Variants in ACTN2 observed in about 807,000 individuals in gnomAD.
ACTN2 encodes the protein alpha-actinin-2.
A neutral mutation model predicts 113.8 loss-of-function variants in ACTN2; 39 were observed. The ratio of observed to expected loss-of-function variants is 0.34; its 90% confidence interval spans 0.27 to 0.45. ACTN2 has a LOEUF of 0.45. Ranked by LOEUF, ACTN2 falls within the 20% of genes least tolerant of loss-of-function variation. The probability of loss-of-function intolerance (pLI) is 1.00; values close to 1 mark genes in which losing one functional copy is unlikely to be tolerated. For missense variants in ACTN2, 992 were observed against 1,177.9 expected, an observed-to-expected ratio of 0.84 and a Z score of 2.31; for synonymous variants, 429 against 444.1, an observed-to-expected ratio of 0.97 and a Z score of 0.43.
chr1:236,762,642 A>G lies in ACTN2; in HGVS notation c.*23A>G, dbSNP rs748074241. The stretch of plus-strand genomic sequence containing the variant: ...TGATGCTGAGCTTCTGTAATCACTC[A>G]TCCCATCAGAATGCAATAAAAGCGG... On this transcript the variant is annotated 3_prime_UTR_variant, in exon 21 of 21. Transcript: ENST00000366578. 6.2e-7 allele frequency: 1 copy of G among 1,612,078 alleles called. No individual in the cohort carries two copies. Among genetic ancestry groups the G allele is most frequent in the Admixed American group, 1.7e-5 (1 of 59,820 alleles).
chr1:236,722,201 T>C (rs1423555557), intron 4 of ACTN2, among the ~76,000 whole-genome samples: 1 of 152,208 alleles, frequency 6.6e-6, no homozygotes, highest in East Asian at 1.9e-4. Context: ...ATTTAACTTC[T>C]GTAAGTCTAC....
intron 1 of ACTN2, among the ~76,000 whole-genome samples, chr1:236,717,028 T>A (rs1186768418): frequency 6.6e-6 from 1 of 150,626 alleles, no homozygotes; most frequent in Non-Finnish European, 1.5e-5. Context: ...AGAGACGGGG[T>A]TTTACCATGT....
intron 5 of ACTN2, among the ~76,000 whole-genome samples, 170 bp from the exon 6 acceptor site, chr1:236,727,508 G>A (rs968987419): frequency 7.3e-5 from 11 of 150,996 alleles, no homozygotes; most frequent in Non-Finnish European, 1.2e-4. Context: ...GTGGACCCTG[G>A]GAAGAAGATG....
rs200316891 is a variant in ACTN2, at chr1:236,727,716, G to A, written c.575G>A (p.Arg192Gln). 1.7e-5 allele frequency: 27 copies of A among 1,613,990 alleles called. No individual in the cohort carries two copies. Among genetic ancestry groups the A allele is most frequent in the African/African-American group, 2.7e-5 (2 of 74,920 alleles). ...DGLGLCALIH[R>Q]HRPDLIDYSK... ...CTTGGACTCTGTGCCCTCATCCACC[G>A]ACACCGGCCTGACCTCATTGACTAC... Residue 192 changes from arginine (R) to glutamine (Q), a missense_variant, in exon 6 of 21, where the codon CGA becomes CAA. By Grantham distance (43) the Arg-to-Gln change is conservative. Transcript: ENST00000366578.
At chr1:236,743,569 CTT>C (rs59813567) in intron 11 of ACTN2, among the ~76,000 whole-genome samples, 27 of 143,004 alleles carry the variant, frequency 1.9e-4, no homozygotes, top group South Asian at 4.5e-4. Flanking sequence ...GAATATGGCC[CTT>C]TTTTTTTTTT....
rs758068136 is a variant in ACTN2, at chr1:236,762,662, A to C, written c.*43A>C. On this transcript the variant is annotated 3_prime_UTR_variant, in exon 21 of 21. Transcript: ENST00000366578. ...CACTCATCCCATCAGAATGCAATAA[A>C]AGCGGAAGTCACAGTTTGTTTCCTG... 49 of 1,602,630 alleles carry C rather than the reference A, an allele frequency of 3.1e-5. No homozygotes were observed. The highest frequency in any genetic ancestry group is 4.1e-5 in the Non-Finnish European group (48 of 1,173,664).
chr1:236,736,520 C>G, intron 8 of ACTN2: 1 of 1,313,718 alleles, frequency 7.6e-7, no homozygotes, highest in South Asian at 1.3e-5. Flanking sequence ...CGAAAGATGA[C>G]AGAGAATTGT....
intron 13 of ACTN2, 94 bp from the exon 14 acceptor site, chr1:236,749,030 C>A: frequency 7.5e-7 from 1 of 1,331,780 alleles, no homozygotes; most frequent in Non-Finnish European, 1.1e-6. Context: ...AACAGAATAT[C>A]AGAGAATAGT....
intron 12 of ACTN2, among the ~76,000 whole-genome samples, chr1:236,745,700 A>G (rs924623637): frequency 6.6e-6 from 1 of 152,044 alleles, no homozygotes; most frequent in Admixed American, 6.5e-5. Context: ...CGTGTTTCTG[A>G]GCTTTCTTCA....
intron 1 of ACTN2, among the ~76,000 whole-genome samples, chr1:236,711,454 G>A (rs1658022205): frequency 6.6e-6 from 1 of 152,272 alleles, no homozygotes; most frequent in African/African-American, 2.4e-5. Context: ...GGGTTCAAGC[G>A]ATTCTTGCCT....
rs528593690 is a variant in ACTN2, at chr1:236,686,508, G to T, written c.-166G>T. 8.9e-6 allele frequency: 6 copies of T among 675,680 alleles called. No individual in the cohort carries two copies. The highest frequency in any genetic ancestry group is 3.9e-5 in the African/African-American group (2 of 51,852). 41.9% of individuals were successfully genotyped at this position (675,680 alleles called of 1,614,324 possible). A position where few individuals can be genotyped will look rare whatever the true frequency, so the allele number is the denominator to read the frequency against. On this transcript the variant is annotated 5_prime_UTR_variant, in exon 1 of 21. Coordinates refer to ENST00000366578, the MANE Select transcript of ACTN2 (RefSeq NM_001103.4). ...GCAGCTGCTCGCAGCCGGAGCTGGT[G>T]CTTCGCCCGAGACCCAGCGCCCAGG...
chr1:236,753,970 C>T lies in ACTN2; in HGVS notation c.1863C>T (p.Arg621=), dbSNP rs1161843319. 13 of 1,614,004 alleles carry T rather than the reference C, an allele frequency of 8.1e-6. No homozygotes were observed. The highest frequency in any genetic ancestry group is 1.3e-5 in the African/African-American group (1 of 74,904). The change falls in exon 16 of 21, where the codon CGC becomes CGT. Residue 621 remains arginine (R), a synonymous_variant. Transcript: ENST00000366578. ...WDKVKQLVPI[R]DQSLQEELAR... The stretch of plus-strand genomic sequence containing the variant: ...AGGTGAAGCAACTCGTGCCCATCCG[C>T]GATCAATCCCTGCAGGAGGAGCTGG...
At chr1:236,728,432 T>G (rs890627129) in intron 6 of ACTN2, among the ~76,000 whole-genome samples, 1 of 152,184 alleles carries the variant, frequency 6.6e-6, no homozygotes, top group African/African-American at 2.4e-5. Flanking sequence ...CGTGAGCCCC[T>G]GTGCCCGGCC....
At chr1:236,738,695 A>G (rs1658967564) in intron 9 of ACTN2, among the ~76,000 whole-genome samples, 1 of 152,326 alleles carries the variant, frequency 6.6e-6, no homozygotes, top group African/African-American at 2.4e-5. Flanking sequence ...CATTTCTAAG[A>G]CCTAGGTAGT....
intron 8 of ACTN2, chr1:236,736,730 C>A (rs1658888620): frequency 4.9e-6 from 5 of 1,030,138 alleles, no homozygotes; most frequent in South Asian, 1.4e-5. Flanking sequence ...TAATGTTATT[C>A]AGGGAGTCTC....
At chr1:236,701,262 C>G (rs1021422625) in intron 1 of ACTN2, among the ~76,000 whole-genome samples, 6 of 151,924 alleles carry the variant, frequency 3.9e-5, no homozygotes, top group African/African-American at 1.5e-4. Flanking sequence ...TTTTTTTTCC[C>G]CCAAGTAATT....
At chr1:236,689,534 T>C (rs1173001185) in intron 1 of ACTN2, among the ~76,000 whole-genome samples, 4 of 151,650 alleles carry the variant, frequency 2.6e-5, no homozygotes, top group Non-Finnish European at 4.4e-5. Context: ...TTTTAAAAAC[T>C]TTTTTTGTAG....
At chr1:236,739,263 G>A (rs372299371) in intron 9 of ACTN2, 39 bp from the exon 10 acceptor site, 129 of 1,601,924 alleles carry the variant, frequency 8.1e-5, no homozygotes, top group South Asian at 4.4e-4. Context: ...GAGGGGGCTT[G>A]CTGGTGTCTT....
At chr1:236,753,860 C>CCCCCCTTTG in intron 15 of ACTN2, 87 bp from the exon 16 acceptor site, 2 of 1,320,870 alleles carry the variant, frequency 1.5e-6, no homozygotes, top group African/African-American at 1.5e-5. Context: ...CTCCCACCCC[C>CCCCCCTTTG]ACCCCTTGGA....
Sources: gnomAD v4.1 joint callset for allele counts (sites outside exome capture counted in the v4.1 genomes callset) on GRCh38, gnomAD v4.1.1 for gene constraint, MANE v1.5 for transcripts, NCBI Gene and HGNC (gene_info 2026-07-23, HGNC 2026-07-21) for gene names.